The following GRID2 variants were observed in gnomAD, a reference collection of about 807,000 sequenced individuals.
The protein encoded by GRID2 is glutamate receptor ionotropic, delta-2.
In GRID2, 33 loss-of-function variants were observed where a neutral mutation model predicts 114.8. The observed-to-expected ratio is 0.29, with a 90% CI of 0.22 to 0.38. The LOEUF is 0.38. Ranked by LOEUF, GRID2 falls within the 10% of genes least tolerant of loss-of-function variation. The probability of loss-of-function intolerance (pLI) is 1.00; values close to 1 mark genes in which losing one functional copy is unlikely to be tolerated. For missense variants in GRID2, 1,184 were observed against 1,257.7 expected (o/e 0.94, Z 0.89); for synonymous variants, 505 against 449.9 (o/e 1.12, Z -1.55).
intron 1 of GRID2, among the ~76,000 whole-genome samples, chr4:92,473,592 T>A (rs1722147119): frequency 6.6e-6 from 1 of 152,092 alleles, no homozygotes; most frequent in Admixed American, 6.6e-5. Context: ...ATTTTTCTTC[T>A]ATTTCTAGGA....
intron 2 of GRID2, among the ~76,000 whole-genome samples, chr4:92,735,244 C>T (rs1736533929): frequency 6.6e-6 from 1 of 152,072 alleles, no homozygotes; most frequent in Non-Finnish European, 1.5e-5. Context: ...TCTGAGACCT[C>T]TAGTGGATGC....
chr4:93,067,721 A>G (rs1328761761), intron 2 of GRID2, among the ~76,000 whole-genome samples: 2 of 152,024 alleles, frequency 1.3e-5, no homozygotes, highest in Non-Finnish European at 2.9e-5. Context: ...CCACCTTATT[A>G]TTTGTTTAAC....
intron 1 of GRID2, among the ~76,000 whole-genome samples, chr4:92,419,943 T>G (rs1169216552): frequency 6.6e-6 from 1 of 152,082 alleles, no homozygotes; most frequent in Non-Finnish European, 1.5e-5. Context: ...TCTGAAAATA[T>G]AAAAATGAAA....
intron 1 of GRID2, among the ~76,000 whole-genome samples, chr4:92,466,426 G>A (rs541863855): frequency 4.6e-5 from 7 of 151,308 alleles, no homozygotes; most frequent in South Asian, 4.2e-4. Context: ...TAATCTCTAC[G>A]TCCATGACTT....
intron 4 of GRID2, among the ~76,000 whole-genome samples, chr4:93,154,768 A>G (rs1359447444): frequency 6.6e-6 from 1 of 151,162 alleles, no homozygotes; most frequent in African/African-American, 2.4e-5. Flanking sequence ...AAACAAACAA[A>G]AAAAACACCA....
At position 93,069,694 on chromosome 4, in the gene GRID2, T is replaced by C. The variant is rs1244496253; in HGVS notation, c.245-15301T>C. Among the ~76,000 whole-genome samples the C allele has an allele frequency of 2.6e-5, 4 of 152,206 alleles. No homozygotes were observed. In the East Asian group the frequency reaches 7.7e-4, roughly 29 times the overall value. On this transcript the variant is annotated intron_variant, in intron 2 of 15. Transcript: ENST00000282020. Reference sequence around the variant, plus strand: ...GAATAAGAGAGAAATGTCGTTATGTTTTCTCCTGAGAGAGGTGCCTGAAAA... The same window carrying C: ...GAATAAGAGAGAAATGTCGTTATGTCTTCTCCTGAGAGAGGTGCCTGAAAA...
intron 1 of GRID2, among the ~76,000 whole-genome samples, chr4:92,319,050 A>C (rs904957270): frequency 1.3e-5 from 2 of 152,178 alleles, no homozygotes; most frequent in African/African-American, 4.8e-5. Context: ...TGCGTATTTT[A>C]AATGAGAATG....
In GRID2 at chr4:93,772,622, C is replaced by G. The variant is rs192666345; in HGVS notation, c.*124C>G. 1 of 679,676 alleles carries G rather than the reference C, an allele frequency of 1.5e-6. No homozygotes were observed. Among genetic ancestry groups the G allele is most frequent in the Non-Finnish European group, 2.4e-6 (1 of 420,476 alleles). 42.1% of individuals were successfully genotyped at this position (679,676 alleles called of 1,614,324 possible). On this transcript the variant is annotated 3_prime_UTR_variant, in exon 16 of 16. Transcript: ENST00000282020. The stretch of plus-strand genomic sequence containing the variant: ...AAGATCAGGATTATTAGTAACAATT[C>G]TAGTTTTTTCCTCCCACCTTCTCCC...
chr4:92,446,134 A>G (rs1733456550), intron 1 of GRID2, among the ~76,000 whole-genome samples: 1 of 151,980 alleles, frequency 6.6e-6, no homozygotes, highest in Non-Finnish European at 1.5e-5. Context: ...TTTAGTAGAG[A>G]CGGGGTTTCA....
chr4:93,576,471 C>T (rs1736433348), intron 13 of GRID2, among the ~76,000 whole-genome samples: 1 of 152,116 alleles, frequency 6.6e-6, no homozygotes, highest in Non-Finnish European at 1.5e-5. Context: ...TTGAAATAGT[C>T]AATATATTTA....
At chr4:93,026,843 G>A (rs1026236671) in intron 2 of GRID2, among the ~76,000 whole-genome samples, 7 of 151,986 alleles carry the variant, frequency 4.6e-5, no homozygotes, top group Non-Finnish European at 7.4e-5. Flanking sequence ...TACTTACACA[G>A]CATACATTTT....
chr4:92,905,032 A>G (rs1419209813), intron 2 of GRID2, among the ~76,000 whole-genome samples: 1 of 152,064 alleles, frequency 6.6e-6, no homozygotes, highest in African/African-American at 2.4e-5. Context: ...ACCTTTTAGG[A>G]ATACTGAGCT....
chr4:93,793,724 CAAG>C (rs375554797), intron 1 of GRID2, among the ~76,000 whole-genome samples: 21 of 152,220 alleles, frequency 1.4e-4, no homozygotes, highest in East Asian at 1.4e-3. Flanking sequence ...ACACATAAGT[CAAG>C]AAGAATTTTC....
chr4:93,420,731 CTTATTTATTTATTTATTTAT>C (rs36041449), intron 9 of GRID2, among the ~76,000 whole-genome samples: 1 of 146,244 alleles, frequency 6.8e-6, no homozygotes, highest in Non-Finnish European at 1.5e-5. Context: ...ATTATTTTTA[CTTATTTATTTATTTATTTAT>C]TTATTTATTT....
chr4:92,900,738 G>T (rs1371045126), intron 2 of GRID2, among the ~76,000 whole-genome samples: 1 of 150,932 alleles, frequency 6.6e-6, no homozygotes, highest in Non-Finnish European at 1.5e-5. Context: ...GGAGGCTGAG[G>T]CAGGAGAATG....
intron 2 of GRID2, among the ~76,000 whole-genome samples, chr4:92,780,706 C>G (rs964990777): frequency 6.6e-6 from 1 of 151,980 alleles, no homozygotes; most frequent in African/African-American, 2.4e-5. Context: ...CATCCTCTGG[C>G]CTGGTAAGCC....
intron 2 of GRID2, among the ~76,000 whole-genome samples, chr4:92,812,511 G>C (rs1367565590): frequency 2.6e-5 from 4 of 151,970 alleles, no homozygotes; most frequent in Non-Finnish European, 5.9e-5. Flanking sequence ...AATTTTACAT[G>C]TATATTTTCA....
intron 8 of GRID2, among the ~76,000 whole-genome samples, chr4:93,332,158 G>C (rs747088546): frequency 3.9e-4 from 59 of 152,144 alleles, no homozygotes; most frequent in Admixed American, 8.5e-4. Flanking sequence ...TGGAATCGCT[G>C]TCTTGTTTCT....
At chr4:93,375,644 T>C (rs1412952021) in intron 8 of GRID2, among the ~76,000 whole-genome samples, 1 of 152,196 alleles carries the variant, frequency 6.6e-6, no homozygotes, top group African/African-American at 2.4e-5. Context: ...AAGTGTGAGT[T>C]ACCATGCAAT....
Sources: gnomAD v4.1 joint callset for allele counts (sites outside exome capture counted in the v4.1 genomes callset) on GRCh38, gnomAD v4.1.1 for gene constraint, MANE v1.5 for transcripts, NCBI Gene and HGNC (gene_info 2026-07-23, HGNC 2026-07-21) for gene names.